Variants in MDGA1 observed in about 807,000 individuals in gnomAD.
MDGA1 encodes MAM domain containing glycosylphosphatidylinositol anchor 1.
Under a neutral mutation model 101.5 loss-of-function variants are expected in MDGA1, and 54 were observed. The observed-to-expected ratio is 0.53, with a 90% CI of 0.43 to 0.67. MDGA1 has a LOEUF of 0.67. Ranked by LOEUF, MDGA1 falls within the 30% of genes least tolerant of loss-of-function variation. MDGA1 has a pLI of 0.00. For synonymous variants in MDGA1, 533 were observed against 558.3 expected (o/e 0.95, Z 0.64); for missense variants, 1,083 against 1,323.8 (o/e 0.82, Z 2.82).
At chr6:37,692,477 T>G (rs988716457) in intron 1 of MDGA1, among the ~76,000 whole-genome samples, 12 of 141,898 alleles carry the variant, frequency 8.5e-5, no homozygotes, top group South Asian at 2.2e-4. Flanking sequence ...GTGTTTGGGG[T>G]GGGGGTGTCT....
At chr6:37,639,293 A>G (rs1764008752) in intron 14 of MDGA1, 1 of 152,706 alleles carries the variant, frequency 6.5e-6, no homozygotes, top group Admixed American at 6.5e-5. Context: ...AGCTTGCAGG[A>G]GGCAGATTTG....
intron 1 of MDGA1, among the ~76,000 whole-genome samples, chr6:37,676,678 A>C (rs1761985748): frequency 6.6e-6 from 1 of 152,102 alleles, no homozygotes; most frequent in Non-Finnish European, 1.5e-5. Flanking sequence ...CTGGTAGATT[A>C]CTGGAGGTCA....
rs1409795284 is a variant in MDGA1, at chr6:37,696,938, G to A, written c.-127C>T. On this transcript the variant is annotated 5_prime_UTR_variant, in exon 1 of 17. Transcript: ENST00000434837. This position sits in a 1 kb window ranked among gnomAD's most constrained non-coding sequence, Gnocchi z 5.6. ...CCTGAGAGGTGAGAGAGAGAGCGGCGACGAAGACCAGGAGACTGAAGAGGC... is the reference window on the plus strand; with the variant it reads ...CCTGAGAGGTGAGAGAGAGAGCGGCAACGAAGACCAGGAGACTGAAGAGGC... 3.8e-6 allele frequency: 3 copies of A among 786,944 alleles called. No individual in the cohort carries two copies. The allele number at this position is 786,944 out of a possible 1,614,324, so 48.7% of individuals were successfully genotyped here.
In MDGA1 at chr6:37,652,049, G is replaced by A. The variant is rs750029435; in HGVS notation, c.1274C>T (p.Pro425Leu). Residue 425 changes from proline to leucine, a missense_variant, in exon 7 of 17, where the codon CCC becomes CTC. Pro to Leu is a moderately conservative substitution (Grantham distance 98). Coordinates refer to ENST00000434837, the MANE Select transcript of MDGA1 (RefSeq NM_153487.4). This position sits in a 1 kb window ranked among gnomAD's most constrained non-coding sequence, Gnocchi z 4.3. ...GATGTTGACCTCGACGCTGAGGTCGGGCACGGGTGCCCCTGGGAAAGAAGC... is the reference window on the plus strand; with the variant it reads ...GATGTTGACCTCGACGCTGAGGTCGAGCACGGGTGCCCCTGGGAAAGAAGC... Reference protein sequence around the residue: ...CMASFPGAPVPDLSVEVNISS... With the variant: ...CMASFPGAPVLDLSVEVNISS... The A allele has an allele frequency of 3.7e-6, 6 of 1,609,772 alleles. No individual in the cohort carries two copies. Among genetic ancestry groups the A allele is most frequent in the Non-Finnish European group, 5.1e-6 (6 of 1,178,860 alleles).
Position 37,655,982 on chromosome 6 carries a change from T to C in MDGA1, c.383-86A>G. The C allele has an allele frequency of 1.7e-6, 2 of 1,155,050 alleles. No homozygotes were observed. Among genetic ancestry groups the C allele is most frequent in the South Asian group, 3.2e-5 (2 of 62,640 alleles). 71.6% of individuals were successfully genotyped at this position (1,155,050 alleles called of 1,614,324 possible). ...GCTCCTGGCAGCCCTTAGGAAGAGC[T>C]GAGCCACCCTCAACAGACATTTCCA... On this transcript the variant is annotated intron_variant, in intron 3 of 16. Transcript: ENST00000434837. This position sits in a 1 kb window ranked among gnomAD's most constrained non-coding sequence, Gnocchi z 5.1.
At position 37,696,835 on chromosome 6, in the gene MDGA1, C is replaced by A; in HGVS notation, c.-24G>T. 1 of 1,554,818 alleles carries A rather than the reference C, an allele frequency of 6.4e-7. No homozygotes were observed. Reference sequence around the variant, plus strand: ...ATCTTCACGGCCGGTGCTTCATCCCCGCGAGGCGGCGCAGCCCGAGAGGCG... The same window carrying A: ...ATCTTCACGGCCGGTGCTTCATCCCAGCGAGGCGGCGCAGCCCGAGAGGCG... On this transcript the variant is annotated 5_prime_UTR_variant, in exon 1 of 17. Transcript: ENST00000434837. This position sits in a 1 kb window ranked among gnomAD's most constrained non-coding sequence, Gnocchi z 5.6.
intron 1 of MDGA1, among the ~76,000 whole-genome samples, chr6:37,684,437 G>A (rs575020671): frequency 1.6e-4 from 25 of 152,322 alleles, no homozygotes; most frequent in African/African-American, 6.0e-4. Flanking sequence ...CAGGGGTAGG[G>A]GAAGGATTAT....
intron 1 of MDGA1, among the ~76,000 whole-genome samples, chr6:37,670,844 G>A (rs778149743): frequency 1.3e-5 from 2 of 152,164 alleles, no homozygotes; most frequent in Non-Finnish European, 2.9e-5. Flanking sequence ...ACCAATGCCT[G>A]GAAGAGGAAC....
intron 1 of MDGA1, among the ~76,000 whole-genome samples, chr6:37,688,767 A>C (rs1281844691): frequency 2.0e-5 from 3 of 152,320 alleles, no homozygotes; most frequent in African/African-American, 7.2e-5. Flanking sequence ...CTGTAATCCC[A>C]AAAGGTAAGC....
intron 1 of MDGA1, among the ~76,000 whole-genome samples, chr6:37,667,664 G>A (rs1761782811): frequency 6.6e-6 from 1 of 152,200 alleles, no homozygotes; most frequent in African/African-American, 2.4e-5. Flanking sequence ...AGAGGCCTGG[G>A]GTGCCTCTCA....
chr6:37,643,698 A>G (rs1319062566), intron 14 of MDGA1, 111 bp downstream of exon 14: 1 of 1,462,238 alleles, frequency 6.8e-7, no homozygotes, highest in African/African-American at 1.4e-5. Context: ...CATTTAGCCA[A>G]GTGGGGAAGC....
In MDGA1 at chr6:37,696,171, A is replaced by G. The variant is rs1302276060; in HGVS notation, c.67+574T>C. 2.0e-5 allele frequency among the ~76,000 whole-genome samples: 3 copies of G among 152,204 alleles called. No homozygotes were observed. The highest frequency in any genetic ancestry group is 4.8e-5 in the African/African-American group (2 of 41,448). ...AACCGGGGACAGGAAGAACTGGTTCAGGGAAGGTCCGAAAAGGGATGCCGG... is the reference window on the plus strand; with the variant it reads ...AACCGGGGACAGGAAGAACTGGTTCGGGGAAGGTCCGAAAAGGGATGCCGG... On this transcript the variant is annotated intron_variant, in intron 1 of 16. Transcript: ENST00000434837. The surrounding 1 kb of genome is among the most constrained non-coding windows in gnomAD (Gnocchi z 5.6).
At chr6:37,654,732 G>T in intron 5 of MDGA1, 68 bp downstream of exon 5, 4 of 1,596,468 alleles carry the variant, frequency 2.5e-6, no homozygotes, top group Non-Finnish European at 3.4e-6. Flanking sequence ...CCTGTGGGGT[G>T]GGGCACTATC....
chr6:37,665,978 C>T (rs2114057659), intron 1 of MDGA1, among the ~76,000 whole-genome samples: 1 of 152,292 alleles, frequency 6.6e-6, no homozygotes, highest in South Asian at 2.1e-4. Flanking sequence ...AAAGTGACTG[C>T]TTTCAGTCTC....
chr6:37,676,595 C>A (rs572956133), intron 1 of MDGA1, among the ~76,000 whole-genome samples: 51 of 152,286 alleles, frequency 3.3e-4, no homozygotes, highest in African/African-American at 1.1e-3. Flanking sequence ...CCACAGAGTG[C>A]AGTAGAAAAG....
At chr6:37,647,695 T>G in intron 9 of MDGA1, among the ~76,000 whole-genome samples, 1 of 148,426 alleles carries the variant, frequency 6.7e-6, no homozygotes, top group Non-Finnish European at 1.5e-5. Context: ...TCAGGGATAT[T>G]GGGAGGAAAG....
rs755089010 is a variant in MDGA1 at position 37,647,208 on chromosome 6, C to T, written c.2011G>A (p.Asp671Asn). Residue 671 changes from aspartate to asparagine, a missense_variant, in exon 10 of 17, where the codon GAC becomes AAC. Asp to Asn is a conservative substitution (Grantham distance 23, BLOSUM62 1). Coordinates refer to ENST00000434837, the MANE Select transcript of MDGA1 (RefSeq NM_153487.4). ...QWTQREPDAV[D>N]PVLNYRLSIR... ...CTGAGTCTGTAGTTGAGCACAGGGT[C>T]GACAGCGTCGGGCTCCCTCTGAGTC... is the stretch of plus-strand genomic sequence containing the variant. 8.1e-6 allele frequency: 13 copies of T among 1,596,962 alleles called. No individual in the cohort carries two copies. The highest frequency in any genetic ancestry group is 2.7e-5 in the African/African-American group (2 of 74,706).
chr6:37,654,630 C>T lies in MDGA1; in HGVS notation c.713-87G>A. 4 of 1,591,182 alleles carry T rather than the reference C, an allele frequency of 2.5e-6. No individual in the cohort carries two copies. The East Asian group carries it at 8.9e-5, about 36-fold the overall frequency. ...TAAGGGGCTAGGAAAACCATAGAGG[C>T]TGGAGAAGCCCTCAGGGGAGATGAG... On this transcript the variant is annotated intron_variant, in intron 5 of 16. Coordinates refer to ENST00000434837, the MANE Select transcript of MDGA1 (RefSeq NM_153487.4).
rs529086724 is a variant in MDGA1, at chr6:37,660,028, A to C, written c.208-1609T>G. ...CAATTCTACAAAATTCTCAGTCTTT[A>C]TCTCTCTCTTTTTTTTTTTTTAATC... On this transcript the variant is annotated intron_variant, in intron 2 of 16. Transcript: ENST00000434837. 4.0e-3 allele frequency among the ~76,000 whole-genome samples: 420 copies of C among 105,360 alleles called. 4 individuals are homozygous for C. The highest frequency in any genetic ancestry group is 0.011 in the African/African-American group (397 of 35,716). 69.1% of individuals were successfully genotyped at this position (105,360 alleles called of 152,430 possible).
Sources: gnomAD v4.1 joint callset for allele counts (sites outside exome capture counted in the v4.1 genomes callset) on GRCh38, gnomAD v4.1.1 for gene constraint, Gnocchi (gnomAD v3.1) non-coding constraint, MANE v1.5 for transcripts, NCBI Gene and HGNC (gene_info 2026-07-23, HGNC 2026-07-21) for gene names.